The following LRRC4C variants were observed in gnomAD, a reference collection of about 807,000 sequenced individuals.
The protein encoded by LRRC4C is leucine-rich repeat-containing protein 4C.
LRRC4C carries 5 observed loss-of-function variants against 33.6 expected under a neutral mutation model. The observed-to-expected ratio is 0.15, with a 90% CI of 0.08 to 0.31. The LOEUF is 0.31. Ranked by LOEUF, LRRC4C falls within the 10% of genes least tolerant of loss-of-function variation. The pLI, the probability that LRRC4C is intolerant of heterozygous loss-of-function variation, is 1.00. For synonymous variants in LRRC4C, 329 were observed against 302.0 expected (o/e 1.09, Z -0.93); for missense variants, 560 against 796.7 (o/e 0.70, Z 3.58).
At chr11:40,155,681 A>G (rs1858628540) in intron 5 of LRRC4C, among the ~76,000 whole-genome samples, 1 of 152,162 alleles carries the variant, frequency 6.6e-6, no homozygotes, top group Non-Finnish European at 1.5e-5. Flanking sequence ...TGAACAGACC[A>G]ATAACAAGCA....
intron 4 of LRRC4C, among the ~76,000 whole-genome samples, chr11:40,309,269 A>C (rs1945187943): frequency 6.6e-6 from 1 of 152,176 alleles, no homozygotes; most frequent in South Asian, 2.1e-4. Flanking sequence ...TATCCATATC[A>C]TATTCATATT....
chr11:40,329,163 C>T lies in LRRC4C; in HGVS notation c.-269-9442G>A, dbSNP rs77091677. On this transcript the variant is annotated intron_variant, in intron 3 of 6. Transcript: ENST00000528697. ...CCATACACTCTCATTATGTATTCTGCTAATAGCACAAGGATGTGAAAATAA... is the reference window on the plus strand; with the variant it reads ...CCATACACTCTCATTATGTATTCTGTTAATAGCACAAGGATGTGAAAATAA... Among the ~76,000 whole-genome samples, 1,157 of 152,262 alleles carry T rather than the reference C, an allele frequency of 7.6e-3. 10 individuals are homozygous for T. Among genetic ancestry groups the T allele is most frequent in the African/African-American group, 0.026 (1,087 of 41,550 alleles).
chr11:40,475,979 G>A (rs984555960), intron 3 of LRRC4C, among the ~76,000 whole-genome samples: 2 of 152,244 alleles, frequency 1.3e-5, no homozygotes, highest in South Asian at 4.1e-4. Flanking sequence ...GGGCTGCGCT[G>A]TGCATTTTAG....
chr11:40,536,354 T>C (rs7117158), intron 3 of LRRC4C, among the ~76,000 whole-genome samples: 13,366 of 152,054 alleles, frequency 0.088, 1,668 homozygotes, highest in African/African-American at 0.28. Context: ...CCACCATGCC[T>C]AGCTAATTTT....
At chr11:41,204,977 A>G (rs773899869) in intron 1 of LRRC4C, among the ~76,000 whole-genome samples, 2 of 152,288 alleles carry the variant, frequency 1.3e-5, no homozygotes, top group Middle Eastern at 3.4e-3. Context: ...TTTTGAGGAG[A>G]TGATTTTGAA....
chr11:41,303,984 C>G (rs1268370088), intron 1 of LRRC4C, among the ~76,000 whole-genome samples: 2 of 77,988 alleles, frequency 2.6e-5, no homozygotes. Context: ...CCACCCCGTC[C>G]GGGAGGGAGG....
chr11:41,032,938 A>G (rs1365707545), intron 1 of LRRC4C, among the ~76,000 whole-genome samples: 1 of 152,030 alleles, frequency 6.6e-6, no homozygotes, highest in African/African-American at 2.4e-5. Flanking sequence ...CATCATTTTC[A>G]TTAGCATTTT....
chr11:40,485,760 T>G (rs1953827563), intron 3 of LRRC4C, among the ~76,000 whole-genome samples: 1 of 151,958 alleles, frequency 6.6e-6, no homozygotes, highest in South Asian at 2.1e-4. Flanking sequence ...TAAATGCACA[T>G]CAATGATAAA....
At chr11:40,613,763 C>T (rs1961475607) in intron 3 of LRRC4C, among the ~76,000 whole-genome samples, 1 of 151,692 alleles carries the variant, frequency 6.6e-6, no homozygotes. Context: ...CTTTTTGATT[C>T]ATGGGGTGAA....
At chr11:40,769,271 A>G (rs934915563) in intron 2 of LRRC4C, among the ~76,000 whole-genome samples, 40 of 152,256 alleles carry the variant, frequency 2.6e-4, no homozygotes, top group African/African-American at 9.6e-4. Context: ...AAACTGATGC[A>G]AAGAAATGAA....
chr11:41,065,928 A>C (rs1168766811), intron 1 of LRRC4C, among the ~76,000 whole-genome samples: 2 of 152,224 alleles, frequency 1.3e-5, no homozygotes, highest in African/African-American at 4.8e-5. Flanking sequence ...CTCAAAGATC[A>C]AAGTTGGATA....
chr11:40,156,289 A>T (rs1416517514), intron 5 of LRRC4C, among the ~76,000 whole-genome samples: 1 of 152,152 alleles, frequency 6.6e-6, no homozygotes. Flanking sequence ...TGAATGAACA[A>T]GACAAGGATG....
chr11:40,997,686 A>C (rs1854080031), intron 1 of LRRC4C, among the ~76,000 whole-genome samples: 1 of 152,092 alleles, frequency 6.6e-6, no homozygotes, highest in African/African-American at 2.4e-5. Flanking sequence ...GCAAGGTATG[A>C]TTCCAAAAAA....
intron 6 of LRRC4C, among the ~76,000 whole-genome samples, chr11:40,129,686 G>A (rs915297056): frequency 6.6e-6 from 1 of 152,084 alleles, no homozygotes; most frequent in African/African-American, 2.4e-5. Flanking sequence ...GGGGCTTCTT[G>A]ACCACCACAT....
chr11:40,926,805 C>T (rs1261681473), intron 2 of LRRC4C, among the ~76,000 whole-genome samples: 1 of 151,954 alleles, frequency 6.6e-6, no homozygotes, highest in Non-Finnish European at 1.5e-5. Flanking sequence ...TACACATATA[C>T]TTATTTAACA....
At chr11:40,394,759 A>G (rs547232373) in intron 3 of LRRC4C, among the ~76,000 whole-genome samples, 29 of 152,254 alleles carry the variant, frequency 1.9e-4, no homozygotes, top group African/African-American at 5.5e-4. Context: ...GAGAGAAGCA[A>G]TGATTTATTA....
chr11:40,340,421 T>C (rs1220111842), intron 3 of LRRC4C, among the ~76,000 whole-genome samples: 3 of 152,198 alleles, frequency 2.0e-5, no homozygotes, highest in African/African-American at 4.8e-5. Context: ...TTTACCCACC[T>C]TGCTCACTGA....
chr11:41,458,594 TAA>T (rs1956242380), intron 1 of LRRC4C, among the ~76,000 whole-genome samples: 3 of 151,686 alleles, frequency 2.0e-5, no homozygotes, highest in Admixed American at 1.3e-4. Context: ...ACCAGGAAAC[TAA>T]AGAGACTGAG....
chr11:41,364,567 T>G (rs1236597025), intron 1 of LRRC4C, among the ~76,000 whole-genome samples: 6 of 152,124 alleles, frequency 3.9e-5, no homozygotes, highest in Non-Finnish European at 8.8e-5. Context: ...TGAGCCACTG[T>G]GCAGAACACA....
Sources: gnomAD v4.1 joint callset for allele counts (sites outside exome capture counted in the v4.1 genomes callset) on GRCh38, gnomAD v4.1.1 for gene constraint, MANE v1.5 for transcripts, NCBI Gene and HGNC (gene_info 2026-07-23, HGNC 2026-07-21) for gene names.